RIC1: variants seen among roughly 807,000 people sequenced by gnomAD.
RIC1 encodes the protein RIC1 partner of RAB6A GEF complex, also known as guanine nucleotide exchange factor subunit RIC1.
RIC1 carries 88 observed loss-of-function variants against 169.0 expected under a neutral mutation model. That is an observed-to-expected ratio of 0.52 (90% CI 0.44 to 0.62). The LOEUF (loss-of-function observed/expected upper bound fraction) is 0.62, where lower values mean the gene tolerates loss of function less well. RIC1 is among the 20% of genes least tolerant of loss of function. RIC1 has a pLI of 0.00. For synonymous variants in RIC1, 790 were observed against 601.5 expected (o/e 1.31, Z -4.59); for missense variants, 1,877 against 1,725.5 (o/e 1.09, Z -1.56).
intron 6 of RIC1, among the ~76,000 whole-genome samples, chr9:5,727,948 G>A (rs930836364): frequency 3.1e-4 from 47 of 152,184 alleles, no homozygotes; most frequent in African/African-American, 1.1e-3. Context: ...GTGTCAGTTG[G>A]CCCCTAATGG....
chr9:5,672,363 GA>G (rs1820157434), intron 2 of RIC1, among the ~76,000 whole-genome samples: 1 of 152,014 alleles, frequency 6.6e-6, no homozygotes, highest in Admixed American at 6.6e-5. Flanking sequence ...AGTAAATTAA[GA>G]AAAAAATTAC....
At chr9:5,723,577 T>A (rs546461753) in intron 6 of RIC1, among the ~76,000 whole-genome samples, 1 of 152,354 alleles carries the variant, frequency 6.6e-6, no homozygotes, top group African/African-American at 2.4e-5. Context: ...ATCCCATTTG[T>A]CAATTTTGGC....
At chr9:5,756,177 G>A in intron 15 of RIC1, 35 bp from the exon 16 acceptor site, 1 of 1,396,614 alleles carries the variant, frequency 7.2e-7, no homozygotes, top group Non-Finnish European at 9.5e-7. Context: ...TAGTTATCTT[G>A]TTTTTATAAT....
chr9:5,717,491 G>C (rs537011087), intron 4 of RIC1, among the ~76,000 whole-genome samples: 17 of 152,236 alleles, frequency 1.1e-4, no homozygotes, highest in African/African-American at 2.9e-4. Context: ...CAAGCAGAAA[G>C]CTGACCAATC....
intron 12 of RIC1, among the ~76,000 whole-genome samples, chr9:5,750,748 G>A (rs1825672612): frequency 6.9e-6 from 1 of 144,208 alleles, no homozygotes; most frequent in Admixed American, 7.0e-5. Context: ...TGCCCTGAGT[G>A]TGCTTTCATG....
intron 2 of RIC1, among the ~76,000 whole-genome samples, chr9:5,684,926 T>C (rs1439541079): frequency 6.6e-6 from 1 of 152,238 alleles, no homozygotes; most frequent in Non-Finnish European, 1.5e-5. Flanking sequence ...CAGACTGTCA[T>C]GGTTTTCCTT....
chr9:5,745,650 G>C (rs1489598579), intron 10 of RIC1, among the ~76,000 whole-genome samples: 1 of 152,174 alleles, frequency 6.6e-6, no homozygotes, highest in African/African-American at 2.4e-5. Context: ...ACAGAGCACA[G>C]TAGGTATTTT....
chr9:5,743,794 CCTT>C (rs1484878766), intron 10 of RIC1, 57 bp downstream of exon 10: 2 of 1,221,468 alleles, frequency 1.6e-6, no homozygotes, highest in African/African-American at 1.5e-5. Flanking sequence ...ATTTTTCTTC[CCTT>C]TTTTCACTCA....
At chr9:5,711,261 T>C (rs1191587910) in intron 3 of RIC1, among the ~76,000 whole-genome samples, 1 of 152,106 alleles carries the variant, frequency 6.6e-6, no homozygotes, top group Non-Finnish European at 1.5e-5. Flanking sequence ...AGTGTACTTA[T>C]CTCCCAGATT....
intron 7 of RIC1, among the ~76,000 whole-genome samples, chr9:5,734,083 T>C (rs1011392710): frequency 2.0e-5 from 3 of 146,718 alleles, no homozygotes; most frequent in African/African-American, 7.5e-5. Context: ...ATAATATATA[T>C]TTTAAATATA....
chr9:5,701,913 TACATCCCACTTATGCA>T (rs1822246910), intron 3 of RIC1, among the ~76,000 whole-genome samples: 1 of 152,200 alleles, frequency 6.6e-6, no homozygotes, highest in African/African-American at 2.4e-5. Flanking sequence ...CATACGTGCA[TACATCCCACTTATGCA>T]GGGATCCACG....
intron 19 of RIC1, among the ~76,000 whole-genome samples, chr9:5,764,284 T>G (rs902292720): frequency 2.0e-5 from 3 of 152,210 alleles, no homozygotes; most frequent in Non-Finnish European, 4.4e-5. Flanking sequence ...ATTTGTTTCC[T>G]TTCAGTGTGG....
intron 1 of RIC1, among the ~76,000 whole-genome samples, chr9:5,643,002 AAAAAC>A (rs763452180): frequency 7.2e-5 from 11 of 152,190 alleles, no homozygotes; most frequent in Non-Finnish European, 1.3e-4. Flanking sequence ...GGAATACAAT[AAAAAC>A]AATTTTATAA....
chr9:5,753,346 A>G (rs777454847), intron 13 of RIC1, 108 bp downstream of exon 13: 1 of 1,033,160 alleles, frequency 9.7e-7, no homozygotes. Context: ...AAAACTCTTG[A>G]TCTATTGTAA....
Position 5,772,608 on chromosome 9 carries a change from A to G in RIC1, c.3661A>G (p.Ser1221Gly), listed in dbSNP as rs777394864. The stretch of plus-strand genomic sequence containing the variant: ...TTCAGCCACAGACTTGACTGAAAGT[A>G]GCTCCATGGTGGATGGCGACTGGAC... ...IGSATDLTES[S>G]SMVDGDWTMV... The change falls in exon 24 of 26, where the codon AGC (serine) becomes GGC (glycine). Residue 1221 changes from serine to glycine, a missense_variant. Coordinates refer to ENST00000414202, the MANE Select transcript of RIC1 (RefSeq NM_020829.4). The G allele has an allele frequency of 2.9e-5, 47 of 1,613,702 alleles. No individual in the cohort carries two copies. Among genetic ancestry groups the G allele is most frequent in the Admixed American group, 1.8e-4 (11 of 59,934 alleles).
rs1179927541 is a variant in RIC1, at chr9:5,738,106, T to C, written c.813-344T>C. Among the ~76,000 whole-genome samples, 4 of 152,316 alleles carry C rather than the reference T, an allele frequency of 2.6e-5. No individual in the cohort carries two copies. The East Asian group carries it at 7.7e-4, about 29-fold the overall frequency. ...TCATTTTCAGTGCTGTAAGGTATAG[T>C]ATTATATTGCTATACCATATGTACT... On this transcript the variant is annotated intron_variant, in intron 7 of 25. Coordinates refer to ENST00000414202, the MANE Select transcript of RIC1 (RefSeq NM_020829.4).
intron 7 of RIC1, among the ~76,000 whole-genome samples, chr9:5,733,762 G>A (rs1563935621): frequency 6.6e-6 from 1 of 151,716 alleles, no homozygotes; most frequent in African/African-American, 2.4e-5. Flanking sequence ...TTTGTGGATT[G>A]GATTCAGTCA....
chr9:5,656,195 C>G (rs1335847645), intron 1 of RIC1, among the ~76,000 whole-genome samples: 3 of 152,078 alleles, frequency 2.0e-5, no homozygotes, highest in Non-Finnish European at 4.4e-5. Flanking sequence ...ATGTAATATC[C>G]TTTTCTGATT....
intron 1 of RIC1, among the ~76,000 whole-genome samples, chr9:5,650,342 A>C (rs974357446): frequency 6.6e-6 from 1 of 151,834 alleles, no homozygotes; most frequent in Non-Finnish European, 1.5e-5. Context: ...AGACAGGGTG[A>C]GGCAATCTCT....
Sources: allele counts gnomAD v4.1 joint callset (sites outside exome capture counted in the v4.1 genomes callset), GRCh38; gene constraint gnomAD v4.1.1; transcripts MANE v1.5; gene names NCBI Gene and HGNC (gene_info 2026-07-23, HGNC 2026-07-21).